The following HYOU1 variants were observed in gnomAD, a reference collection of about 807,000 sequenced individuals.
HYOU1 encodes the protein hypoxia up-regulated 1, also known as hypoxia up-regulated protein 1.
In HYOU1, 40 loss-of-function variants were observed where a neutral mutation model predicts 120.5. That is an observed-to-expected ratio of 0.33 (90% confidence interval 0.26 to 0.43). HYOU1 has a LOEUF of 0.43. HYOU1 is among the 20% of genes least tolerant of loss of function. The pLI, the probability that HYOU1 is intolerant of heterozygous loss-of-function variation, is 1.00. For synonymous variants in HYOU1, 501 were observed against 479.4 expected (o/e 1.05, Z -0.59); for missense variants, 1,085 against 1,278.3 (o/e 0.85, Z 2.31).
rs2133593359 is a variant in HYOU1 at position 119,052,475 on chromosome 11, C to T, written c.988-46G>A. The stretch of plus-strand genomic sequence containing the variant: ...TCAGGGGGTTCTTGCCCAGCTCCCG[C>T]TCTCTTGGTGAGTAGGACAGAAACA... On this transcript the variant is annotated intron_variant, in intron 9 of 25. Coordinates refer to ENST00000617285, the MANE Select transcript of HYOU1 (RefSeq NM_006389.5). This position sits in a 1 kb window ranked among gnomAD's most constrained non-coding sequence, Gnocchi z 5.0. 1.3e-5 allele frequency: 21 copies of T among 1,613,342 alleles called. No individual in the cohort carries two copies. In the African/African-American group the frequency reaches 1.9e-4, roughly 14 times the overall value.
Position 119,047,805 on chromosome 11 carries a change from T to G in HYOU1, c.2524A>C (p.Ile842Leu). Residue 842 changes from isoleucine to leucine, a missense_variant, in exon 22 of 26, where the codon ATC (isoleucine) becomes CTC (leucine). Ile to Leu is a conservative substitution (Grantham distance 5, BLOSUM62 2). This residue lies in a region of HYOU1 where 516 missense variants were observed against 517.1 expected (regional missense o/e 1.00). Transcript: ENST00000617285. ...SSMFLKGARL[I>L]PEMDQIFTEV... ...GTGAAGATCTGGTCCATCTCTGGGA[T>G]GAGCCGGGCCCCCCTGGAAGCCAGA... is the stretch of plus-strand genomic sequence containing the variant. 6.2e-7 allele frequency: 1 copy of G among 1,613,994 alleles called. No homozygotes were observed. The highest frequency in any genetic ancestry group is 1.3e-5 in the African/African-American group (1 of 74,984).
intron 16 of HYOU1, 71 bp downstream of exon 16, chr11:119,049,485 C>T: frequency 1.3e-6 from 2 of 1,576,340 alleles, no homozygotes; most frequent in Non-Finnish European, 1.7e-6. Flanking sequence ...TACCCTCACC[C>T]CCTTCCTCTG....
Position 119,046,765 on chromosome 11 carries a change from A to G in HYOU1, c.2633T>C (p.Leu878Pro). 6.2e-7 allele frequency: 1 copy of G among 1,603,340 alleles called. No homozygotes were observed. Among genetic ancestry groups the G allele is most frequent in the Non-Finnish European group, 8.5e-7 (1 of 1,179,978 alleles). The part of the protein sequence containing the change: ...KNATLAEQAK[L>P]PATEKPVLLS... The stretch of plus-strand genomic sequence containing the variant: ...CAACACAGGCTTCTCTGTGGCGGGC[A>G]GCTTAGCCTGCTCGGCCAGAGTTGC... The change falls in exon 23 of 26, where the codon CTG becomes CCG. Residue 878 changes from leucine to proline, a missense_variant. Coordinates refer to ENST00000617285, the MANE Select transcript of HYOU1 (RefSeq NM_006389.5).
chr11:119,047,686 C>A, intron 22 of HYOU1, 48 bp downstream of exon 22: 2 of 1,488,582 alleles, frequency 1.3e-6, no homozygotes, highest in South Asian at 2.3e-5. Context: ...TCCCACAGTA[C>A]CTAGGATGGC....
rs2133559480 is a variant in HYOU1, at chr11:119,047,924, A to G, written c.2510+23T>C. ...AACCAGTGGCCTTGGCAGGACTGCA[A>G]AAAGGGTTCAGGGGCTGCTCACTTG... On this transcript the variant is annotated intron_variant, in intron 21 of 25. Transcript: ENST00000617285. The G allele has an allele frequency of 8.7e-6, 14 of 1,614,066 alleles. No individual in the cohort carries two copies. In the South Asian group the frequency reaches 1.3e-4, roughly 15 times the overall value.
rs2133545064 is a variant in HYOU1 at position 119,045,813 on chromosome 11, G to C, written c.2906C>G (p.Thr969Ser). The C allele has an allele frequency of 8.1e-6, 13 of 1,612,642 alleles. No individual in the cohort carries two copies. Among genetic ancestry groups the C allele is most frequent in the Non-Finnish European group, 1.1e-5 (13 of 1,179,686 alleles). The change falls in exon 25 of 26, where the codon ACT becomes AGT. Residue 969 changes from threonine (T) to serine (S), a missense_variant. This residue lies in a region of HYOU1 where 516 missense variants were observed against 517.1 expected (regional missense o/e 1.00). Coordinates refer to ENST00000617285, the MANE Select transcript of HYOU1 (RefSeq NM_006389.5). ...AGGACCTCCTAACTCCAAAGGCTCAGTGTCTCCTGGCTCGGATCCTGCTTT... is the reference window on the plus strand; with the variant it reads ...AGGACCTCCTAACTCCAAAGGCTCACTGTCTCCTGGCTCGGATCCTGCTTT... ...KVETGSEPGDTEPLELGGPGA... is the reference protein window; with the variant it reads ...KVETGSEPGDSEPLELGGPGA...
Position 119,051,442 on chromosome 11 carries a change from G to C in HYOU1, c.1522C>G (p.Leu508Val). 6 of 1,614,024 alleles carry C rather than the reference G, an allele frequency of 3.7e-6. No homozygotes were observed. The highest frequency in any genetic ancestry group is 5.1e-6 in the Non-Finnish European group (6 of 1,179,972). Residue 508 changes from leucine to valine, a missense_variant, in exon 13 of 26, where the codon CTT becomes GTT. Around this residue, in one of 4 missense-constraint regions of HYOU1, gnomAD observed 515 missense variants for 677.8 expected, o/e 0.76. Transcript: ENST00000617285. The surrounding 1 kb of genome is among the most constrained non-coding windows in gnomAD (Gnocchi z 4.2). The stretch of plus-strand genomic sequence containing the variant: ...TCCTACACCCCTGCCCCTCACCGAA[G>C]ATCTTCAGGCCCCAGGAAGCCCAGG... ...GDLGFLGPED[L>V]RVFGSQNLTT...
rs148717311 is a variant in HYOU1 at position 119,046,761 on chromosome 11, G to A, written c.2637C>T (p.Pro879=). 8.4e-5 allele frequency: 135 copies of A among 1,603,868 alleles called. No individual in the cohort carries two copies. Among genetic ancestry groups the A allele is most frequent in the South Asian group, 2.9e-4 (26 of 91,064 alleles). Residue 879 remains proline, a synonymous_variant, in exon 23 of 26, where the codon CCC becomes CCT. Transcript: ENST00000617285. ...NATLAEQAKL[P]ATEKPVLLSK... ...AGAGCAACACAGGCTTCTCTGTGGC[G>A]GGCAGCTTAGCCTGCTCGGCCAGAG...
At chr11:119,046,298 TAA>T in intron 24 of HYOU1, 117 bp downstream of exon 24, 1 of 842,804 alleles carries the variant, frequency 1.2e-6, no homozygotes, top group Non-Finnish European at 1.9e-6. Context: ...AACAACCCTT[TAA>T]AAACGCAAAG....
rs1332610030 is a variant in HYOU1 at position 119,052,646 on chromosome 11, G to A, written c.978C>T (p.His326=). The A allele has an allele frequency of 6.2e-7, 1 of 1,611,996 alleles. No individual in the cohort carries two copies. The highest frequency in any genetic ancestry group is 8.5e-7 in the Non-Finnish European group (1 of 1,178,676). Residue 326 remains histidine, a synonymous_variant, in exon 9 of 26, where the codon CAC becomes CAT. Transcript: ENST00000617285. The surrounding 1 kb of genome is among the most constrained non-coding windows in gnomAD (Gnocchi z 5.0). The part of the protein sequence containing the change: ...LKTVLSANAD[H]MAQIEGLMDD... The stretch of plus-strand genomic sequence containing the variant: ...AGCCACTTGTGGGCACCTGTGCCAT[G>A]TGGTCAGCGTTGGCACTGAGGACGG...
At position 119,051,341 on chromosome 11, in the gene HYOU1, C is replaced by T. The variant is rs1382436529; in HGVS notation, c.1526+97G>A. On this transcript the variant is annotated intron_variant, in intron 13 of 25. Transcript: ENST00000617285. The surrounding 1 kb of genome is among the most constrained non-coding windows in gnomAD (Gnocchi z 4.2). ...GATCATAGCTGCCCTGTTTCAGCCC[C>T]GCAGGCCCACATCCTCCCTCACCCC... 1.0e-5 allele frequency: 15 copies of T among 1,498,640 alleles called. No individual in the cohort carries two copies. Among genetic ancestry groups the T allele is most frequent in the Middle Eastern group, 4.1e-4 (2 of 4,928 alleles). 92.8% of individuals were successfully genotyped at this position (1,498,640 alleles called of 1,614,324 possible). A position where few individuals can be genotyped will look rare whatever the true frequency, so the allele number is the denominator to read the frequency against.
rs1430723371 is a variant in HYOU1, at chr11:119,051,631, C to A, written c.1339-6G>T. 1 of 1,613,914 alleles carries A rather than the reference C, an allele frequency of 6.2e-7. No individual in the cohort carries two copies. Among genetic ancestry groups the A allele is most frequent in the African/African-American group, 1.3e-5 (1 of 75,000 alleles). Reference sequence around the variant, plus strand: ...ACCTCCCTCGTGAACTCCACCTACACAGCAGGCAGACAGAGGCACACTGTT... The same window carrying A: ...ACCTCCCTCGTGAACTCCACCTACAAAGCAGGCAGACAGAGGCACACTGTT... On this transcript the variant is annotated splice_region_variant and splice_polypyrimidine_tract_variant and intron_variant, in intron 12 of 25. Transcript: ENST00000617285. This position sits in a 1 kb window ranked among gnomAD's most constrained non-coding sequence, Gnocchi z 4.2.
Position 119,045,545 on chromosome 11 carries a change from G to T in HYOU1, c.*48C>A. 1.4e-6 allele frequency: 2 copies of T among 1,475,208 alleles called. No homozygotes were observed. The highest frequency in any genetic ancestry group is 1.9e-6 in the Non-Finnish European group (2 of 1,052,946). 91.4% of individuals were successfully genotyped at this position (1,475,208 alleles called of 1,614,324 possible). A position where few individuals can be genotyped will look rare whatever the true frequency, so the allele number is the denominator to read the frequency against. On this transcript the variant is annotated 3_prime_UTR_variant, in exon 26 of 26. Transcript: ENST00000617285. ...AACCCTCGATGTTAAATAAATAGAAGTGGTGGGGGAAGGGGGTGGAGATGA... is the reference window on the plus strand; with the variant it reads ...AACCCTCGATGTTAAATAAATAGAATTGGTGGGGGAAGGGGGTGGAGATGA...
At chr11:119,049,383 G>C (rs1302305075) in intron 16 of HYOU1, 173 bp downstream of exon 16, 4 of 1,562,520 alleles carry the variant, frequency 2.6e-6, no homozygotes, top group Non-Finnish European at 2.6e-6. Flanking sequence ...GCAATGAGGG[G>C]AATGGGCCTT....
At chr11:119,049,493 C>T (rs1278950063) in intron 16 of HYOU1, 63 bp downstream of exon 16, 4 of 1,585,764 alleles carry the variant, frequency 2.5e-6, no homozygotes, top group Non-Finnish European at 3.5e-6. Context: ...CCCCCTTCCT[C>T]TGCGGCTACT....
intron 14 of HYOU1, 59 bp from the exon 15 acceptor site, chr11:119,049,896 A>ACCCACTTTGGCAGATGTT: frequency 6.7e-7 from 1 of 1,496,286 alleles, no homozygotes. Context: ...CTCCACAAAC[A>ACCCACTTTGGCAGATGTT]TCTGCCAAAG....
chr11:119,054,031 C>G, intron 8 of HYOU1, 90 bp downstream of exon 8: 1 of 767,822 alleles, frequency 1.3e-6, no homozygotes, highest in South Asian at 1.6e-5. Context: ...CTGCAGCATG[C>G]AGGAAAGCAA....
Position 119,051,199 on chromosome 11 carries a change from A to C in HYOU1, c.1527-26T>G. On this transcript the variant is annotated intron_variant, in intron 13 of 25. Transcript: ENST00000617285. This position sits in a 1 kb window ranked among gnomAD's most constrained non-coding sequence, Gnocchi z 4.2. Reference sequence around the variant, plus strand: ...CTGGTTGGGAAGGAAAGAGGAGTTCAGGGGGACCCACCCCAGCCCATCTCG... The same window carrying C: ...CTGGTTGGGAAGGAAAGAGGAGTTCCGGGGGACCCACCCCAGCCCATCTCG... 1 of 1,613,906 alleles carries C rather than the reference A, an allele frequency of 6.2e-7. No individual in the cohort carries two copies.
At chr11:119,047,558 T>G in intron 22 of HYOU1, 176 bp downstream of exon 22, 1 of 603,014 alleles carries the variant, frequency 1.7e-6, no homozygotes, top group Non-Finnish European at 2.9e-6. Flanking sequence ...ATGACTCTTA[T>G]GGCCATGGCC....
Sources: allele counts gnomAD v4.1 joint callset, GRCh38; gene constraint gnomAD v4.1.1; regional missense constraint gnomAD v4.1.1; non-coding constraint Gnocchi (gnomAD v3.1); transcripts MANE v1.5; gene names NCBI Gene and HGNC (gene_info 2026-07-23, HGNC 2026-07-21).